CUX2: variants seen among roughly 807,000 people sequenced by gnomAD.
CUX2 encodes the protein homeobox protein cut-like 2.
A neutral mutation model predicts 144.8 loss-of-function variants in CUX2; 40 were observed. That is an observed-to-expected ratio of 0.28 (90% confidence interval 0.21 to 0.36). CUX2 has a LOEUF of 0.36. Among genes scored for constraint, CUX2 ranks in the 10% least tolerant of loss-of-function variants. The probability of loss-of-function intolerance (pLI) is 1.00; values close to 1 mark genes in which losing one functional copy is unlikely to be tolerated. For synonymous variants in CUX2, 827 were observed against 875.6 expected, an observed-to-expected ratio of 0.94 and a Z score of 0.98; for missense variants, 1,615 against 1,994.0, an observed-to-expected ratio of 0.81 and a Z score of 3.62.
intron 9 of CUX2, among the ~76,000 whole-genome samples, chr12:111,301,916 C>T (rs965138771): frequency 1.3e-5 from 2 of 152,210 alleles, no homozygotes; most frequent in Non-Finnish European, 2.9e-5. Flanking sequence ...TTCTCAGTAG[C>T]TAATCAGCCA....
chr12:111,043,557 A>G (rs886671857), intron 1 of CUX2, among the ~76,000 whole-genome samples: 10 of 152,326 alleles, frequency 6.6e-5, no homozygotes, highest in African/African-American at 2.4e-4. Flanking sequence ...TCATGCCTGT[A>G]ATCCCAGCAC....
At chr12:111,347,380 T>C in intron 21 of CUX2, 144 bp from the exon 22 acceptor site, 1 of 717,510 alleles carries the variant, frequency 1.4e-6, no homozygotes, top group Admixed American at 2.5e-5. Flanking sequence ...TTGAGAAGAC[T>C]TAATAAGATG....
rs983359287 is a variant in CUX2 at position 111,289,727 on chromosome 12, T to G, written c.302-1691T>G. The stretch of plus-strand genomic sequence containing the variant: ...GACATCTTACATCTAGATGTGTGTT[T>G]TGCCCCCGAAAAAGTCCTTAACCAA... On this transcript the variant is annotated intron_variant, in intron 4 of 21. Transcript: ENST00000261726. The surrounding 1 kb of genome is among the most constrained non-coding windows in gnomAD (Gnocchi z 4.1). 3.3e-5 allele frequency among the ~76,000 whole-genome samples: 5 copies of G among 151,962 alleles called. No homozygotes were observed. The highest frequency in any genetic ancestry group is 1.2e-4 in the African/African-American group (5 of 41,348).
intron 1 of CUX2, among the ~76,000 whole-genome samples, chr12:111,169,770 A>G (rs1878397901): frequency 6.6e-6 from 1 of 152,194 alleles, no homozygotes; most frequent in Non-Finnish European, 1.5e-5. Context: ...TTATTTACTC[A>G]TTAGCTGATA....
intron 1 of CUX2, among the ~76,000 whole-genome samples, chr12:111,173,528 G>A (rs866879666): frequency 9.9e-5 from 15 of 152,212 alleles, no homozygotes; most frequent in African/African-American, 3.1e-4. Context: ...GGAGCTTTTA[G>A]TCTAGCTATG....
chr12:111,320,589 G>A lies in CUX2; in HGVS notation c.2580G>A (p.Glu860=), dbSNP rs1223561253. Residue 860 remains glutamate (E), a synonymous_variant, in exon 17 of 22, where the codon GAG becomes GAA. Transcript: ENST00000261726. The surrounding 1 kb of genome is among the most constrained non-coding windows in gnomAD (Gnocchi z 8.1). ...GELKAEGATA[E]AGARLPYYPA... ...TCAAGGCTGAGGGCGCGACGGCCGA[G>A]GCGGGCGCGCGGCTGCCCTACTACC... The A allele has an allele frequency of 2.0e-6, 3 of 1,526,014 alleles. No individual in the cohort carries two copies. The African/African-American group carries it at 4.2e-5, about 21-fold the overall frequency. The allele number at this position is 1,526,014 out of a possible 1,614,324, so 94.5% of individuals were successfully genotyped here. A position where few individuals can be genotyped will look rare whatever the true frequency, so the allele number is the denominator to read the frequency against.
chr12:111,208,172 C>A (rs1881022444), intron 1 of CUX2, among the ~76,000 whole-genome samples: 1 of 151,984 alleles, frequency 6.6e-6, no homozygotes. Flanking sequence ...CTAGGAACAA[C>A]TGAGGTCCTC....
At chr12:111,335,567 C>A (rs934676476) in intron 19 of CUX2, among the ~76,000 whole-genome samples, 1 of 151,812 alleles carries the variant, frequency 6.6e-6, no homozygotes, top group Non-Finnish European at 1.5e-5. Context: ...AAAAAGTAGC[C>A]GGGTGTGGTG....
intron 16 of CUX2, among the ~76,000 whole-genome samples, chr12:111,315,402 A>G (rs966989532): frequency 1.3e-5 from 2 of 152,216 alleles, no homozygotes; most frequent in Non-Finnish European, 2.9e-5. Context: ...TGCAGCCCTT[A>G]AAGGTAGAAC....
chr12:111,087,456 G>C (rs577796285), intron 1 of CUX2, among the ~76,000 whole-genome samples: 1 of 151,986 alleles, frequency 6.6e-6, no homozygotes, highest in African/African-American at 2.4e-5. Context: ...CCTGCCAGCT[G>C]GTGGCTTCAT....
intron 13 of CUX2, 40 bp downstream of exon 13, chr12:111,308,373 C>T (rs1886705339): frequency 1.2e-6 from 2 of 1,613,796 alleles, no homozygotes; most frequent in Non-Finnish European, 1.7e-6. Context: ...GCAGGCTGCC[C>T]CAGTGAGCCT....
chr12:111,099,689 T>C (rs1873084304), intron 1 of CUX2: 2 of 456,490 alleles, frequency 4.4e-6, no homozygotes, highest in Non-Finnish European at 8.8e-6. Context: ...GCTTTGGGGC[T>C]CCCAGTCTCT....
At chr12:111,299,870 G>A (rs1886199343) in intron 9 of CUX2, among the ~76,000 whole-genome samples, 1 of 152,062 alleles carries the variant, frequency 6.6e-6, no homozygotes, top group African/African-American at 2.4e-5. Flanking sequence ...ACAAGCCCAC[G>A]AATATATCTT....
intron 1 of CUX2, among the ~76,000 whole-genome samples, chr12:111,213,103 C>G (rs1279665162): frequency 6.6e-6 from 1 of 152,156 alleles, no homozygotes; most frequent in Non-Finnish European, 1.5e-5. Flanking sequence ...TTTAATAAAT[C>G]TGATTGCAGA....
intron 18 of CUX2, among the ~76,000 whole-genome samples, chr12:111,327,569 A>G (rs1457590318): frequency 1.3e-5 from 2 of 152,112 alleles, no homozygotes; most frequent in Non-Finnish European, 2.9e-5. Context: ...CATTTCCCCA[A>G]TGTCTGATTG....
intron 1 of CUX2, among the ~76,000 whole-genome samples, chr12:111,150,105 T>C (rs1876940472): frequency 6.6e-6 from 1 of 152,206 alleles, no homozygotes; most frequent in African/African-American, 2.4e-5. Flanking sequence ...ACCAGAGTGT[T>C]CCAAAGGTTT....
intron 3 of CUX2, among the ~76,000 whole-genome samples, chr12:111,224,744 T>C (rs1457001890): frequency 2.6e-5 from 4 of 152,002 alleles, no homozygotes; most frequent in African/African-American, 7.3e-5. Context: ...AGCAGTGGCC[T>C]TGCTGGCCGG....
chr12:111,262,101 G>A (rs1884158262), intron 3 of CUX2, among the ~76,000 whole-genome samples: 1 of 152,238 alleles, frequency 6.6e-6, no homozygotes, highest in East Asian at 1.9e-4. Flanking sequence ...AGGCCACCCT[G>A]TGCTTTTCTG....
chr12:111,148,787 A>C (rs1221286807), intron 1 of CUX2, among the ~76,000 whole-genome samples: 1 of 152,202 alleles, frequency 6.6e-6, no homozygotes, highest in Non-Finnish European at 1.5e-5. Context: ...GCTTGAGCCC[A>C]TGAGTTCGAG....
Sources: gnomAD v4.1 joint callset for allele counts (sites outside exome capture counted in the v4.1 genomes callset) on GRCh38, gnomAD v4.1.1 for gene constraint, Gnocchi (gnomAD v3.1) non-coding constraint, MANE v1.5 for transcripts, NCBI Gene and HGNC (gene_info 2026-07-23, HGNC 2026-07-21) for gene names.